Variants in IL1RAPL2 observed in about 807,000 individuals in gnomAD.
The protein encoded by IL1RAPL2 is X-linked interleukin-1 receptor accessory protein-like 2.
IL1RAPL2 carries 3 observed loss-of-function variants against 44.1 expected under a neutral mutation model. The observed-to-expected ratio is 0.07, with a 90% CI of 0.03 to 0.18. The LOEUF is 0.18. IL1RAPL2 is among the 10% of genes least tolerant of loss of function. The pLI, the probability that IL1RAPL2 is intolerant of heterozygous loss-of-function variation, is 1.00. For synonymous variants in IL1RAPL2, 181 were observed against 178.8 expected (o/e 1.01, Z -0.10); for missense variants, 391 against 496.4 (o/e 0.79, Z 2.02).
chrX:105,297,643 G>T (rs748118084), intron 5 of IL1RAPL2, among the ~76,000 whole-genome samples: 5 of 110,708 alleles, frequency 4.5e-5, no homozygotes, highest in Non-Finnish European at 7.6e-5. Context: ...GAACAGGGTG[G>T]GGGAAACTGC....
Position 105,263,076 on chromosome X carries a change from T to G in IL1RAPL2, c.544-4312T>G, listed in dbSNP as rs374496868. Among the ~76,000 whole-genome samples the G allele has an allele frequency of 4.1e-3, 454 of 109,789 alleles. 2 individuals are homozygous for G. Among genetic ancestry groups the G allele is most frequent in the African/African-American group, 0.014 (424 of 30,090 alleles). On this transcript the variant is annotated intron_variant, in intron 4 of 10. Transcript: ENST00000372582. ...AATTTTGTATTTTTAGTAGAGACGG[T>G]GTTTCTCCATGTTGATCAGGCTGGT...
intron 5 of IL1RAPL2, among the ~76,000 whole-genome samples, chrX:105,447,102 T>A (rs55853811): frequency 1.8e-5 from 1 of 55,314 alleles, no homozygotes; most frequent in African/African-American, 1.2e-4. Flanking sequence ...TATATATATA[T>A]ATATAAAAAT....
chrX:105,218,924 C>T (rs782283202), intron 3 of IL1RAPL2: 122 of 1,073,613 alleles, frequency 1.1e-4, no homozygotes, highest in Admixed American at 9.7e-4. Context: ...AATTCGCCAT[C>T]GAGATATACA....
At chrX:104,799,958 G>A (rs913891803) in intron 2 of IL1RAPL2, among the ~76,000 whole-genome samples, 10 of 111,550 alleles carry the variant, frequency 9.0e-5, no homozygotes, top group Admixed American at 5.7e-4. Flanking sequence ...ACTGTGTCTT[G>A]ATCGTATTCT....
intron 2 of IL1RAPL2, among the ~76,000 whole-genome samples, chrX:104,754,625 C>T (rs371122795): frequency 1.3e-4 from 15 of 111,262 alleles, no homozygotes; most frequent in Non-Finnish European, 2.6e-4. Context: ...ACTCCCATTA[C>T]GATGAAATTG....
At chrX:105,252,737 T>C (rs2034280579) in intron 4 of IL1RAPL2, among the ~76,000 whole-genome samples, 1 of 111,720 alleles carries the variant, frequency 9.0e-6, no homozygotes, top group Admixed American at 9.5e-5. Flanking sequence ...CAGCTCCTTT[T>C]TACTGAGTGT....
chrX:105,713,371 C>T (rs2038228987), intron 6 of IL1RAPL2, among the ~76,000 whole-genome samples: 1 of 111,330 alleles, frequency 9.0e-6, no homozygotes, highest in African/African-American at 3.3e-5. Flanking sequence ...GGCGGAGGGT[C>T]CCAAAGCTCA....
chrX:105,210,978 C>T (rs1242938718), intron 3 of IL1RAPL2, among the ~76,000 whole-genome samples: 1 of 111,252 alleles, frequency 9.0e-6, no homozygotes, highest in African/African-American at 3.3e-5. Context: ...TAGAAGGAGA[C>T]CAACCTGCCA....
At chrX:104,835,058 G>C (rs1921704396) in intron 2 of IL1RAPL2, among the ~76,000 whole-genome samples, 1 of 111,930 alleles carries the variant, frequency 8.9e-6, no homozygotes, top group Non-Finnish European at 1.9e-5. Context: ...AAAAAATGTT[G>C]TTAGATTGAT....
At chrX:104,586,833 C>T (rs528330803) in intron 1 of IL1RAPL2, among the ~76,000 whole-genome samples, 29 of 112,224 alleles carry the variant, frequency 2.6e-4, no homozygotes, top group African/African-American at 9.4e-4. Context: ...AAGCAATTTT[C>T]TCACCTTATT....
chrX:105,290,056 C>T (rs753245977), intron 5 of IL1RAPL2, among the ~76,000 whole-genome samples: 35 of 111,252 alleles, frequency 3.1e-4, no homozygotes, highest in Non-Finnish European at 3.2e-4. Flanking sequence ...TATTTAGAAA[C>T]GTGGTAGTTG....
intron 1 of IL1RAPL2, among the ~76,000 whole-genome samples, chrX:104,606,320 C>G (rs922400858): frequency 9.0e-6 from 1 of 111,623 alleles, no homozygotes; most frequent in African/African-American, 3.3e-5. Context: ...GAACATATCA[C>G]AAAATAATAA....
At chrX:105,615,474 A>G (rs1298262896) in intron 6 of IL1RAPL2, among the ~76,000 whole-genome samples, 3 of 112,523 alleles carry the variant, frequency 2.7e-5, no homozygotes, top group African/African-American at 9.7e-5. Context: ...TGTGGTACAT[A>G]TATACAATGA....
chrX:105,368,461 TGTTA>T (rs1453603684), intron 5 of IL1RAPL2, among the ~76,000 whole-genome samples: 1 of 111,829 alleles, frequency 8.9e-6, no homozygotes, highest in African/African-American at 3.3e-5. Flanking sequence ...GGTATAGTAT[TGTTA>T]GTTGGCATAT....
chrX:104,994,370 G>A (rs1176218118), intron 2 of IL1RAPL2, among the ~76,000 whole-genome samples: 2 of 111,386 alleles, frequency 1.8e-5, no homozygotes, highest in Non-Finnish European at 3.8e-5. Context: ...AATTACTTCT[G>A]GAGAGGAATT....
intron 2 of IL1RAPL2, among the ~76,000 whole-genome samples, chrX:104,761,678 C>T (rs776046726): frequency 9.8e-5 from 11 of 111,706 alleles, no homozygotes; most frequent in East Asian, 2.9e-4. Context: ...TTAATTACTT[C>T]GTAGATACAA....
chrX:104,812,162 A>G (rs1208622090), intron 2 of IL1RAPL2, among the ~76,000 whole-genome samples: 1 of 111,247 alleles, frequency 9.0e-6, no homozygotes, highest in Non-Finnish European at 1.9e-5. Flanking sequence ...GAAGCAATAC[A>G]GAATTACTAA....
intron 2 of IL1RAPL2, among the ~76,000 whole-genome samples, chrX:105,144,094 G>GGTGTGTGTGTGTGTGT (rs762069943): frequency 1.8e-4 from 14 of 79,575 alleles, no homozygotes; most frequent in Admixed American, 4.5e-4. Context: ...TCAACAGATG[G>GGTGTGTGTGTGTGTGT]GTGTGTGTGT....
intron 2 of IL1RAPL2, among the ~76,000 whole-genome samples, chrX:105,054,376 G>A (rs1206903773): frequency 9.0e-6 from 1 of 111,579 alleles, no homozygotes; most frequent in Non-Finnish European, 1.9e-5. Flanking sequence ...CTGCTGTATT[G>A]TATATGGAAA....
Sources: gnomAD v4.1 joint callset for allele counts (sites outside exome capture counted in the v4.1 genomes callset) on GRCh38, gnomAD v4.1.1 for gene constraint, MANE v1.5 for transcripts, NCBI Gene and HGNC (gene_info 2026-07-23, HGNC 2026-07-21) for gene names.